Variants in WDR64 observed in about 807,000 individuals in gnomAD.
WDR64 encodes WD repeat-containing protein 64.
A neutral mutation model predicts 139.3 loss-of-function variants in WDR64; 112 were observed. That is an observed-to-expected ratio of 0.80 (90% CI 0.69 to 0.94). The LOEUF is 0.94. Among genes scored for constraint, WDR64 ranks in the 40% least tolerant of loss-of-function variants. WDR64 has a pLI of 0.00. For synonymous variants in WDR64, 444 were observed against 437.7 expected, an observed-to-expected ratio of 1.01 and a Z score of -0.18; for missense variants, 1,206 against 1,293.1, an observed-to-expected ratio of 0.93 and a Z score of 1.03.
intron 12 of WDR64, among the ~76,000 whole-genome samples, chr1:241,743,142 TC>T (rs1558502497): frequency 6.6e-6 from 1 of 152,202 alleles, no homozygotes; most frequent in East Asian, 1.9e-4. Context: ...CTGAAACCTG[TC>T]CTGCTTTTGT....
intron 24 of WDR64, among the ~76,000 whole-genome samples, chr1:241,789,324 C>T (rs1157458917): frequency 1.3e-5 from 2 of 152,154 alleles, no homozygotes; most frequent in Non-Finnish European, 2.9e-5. Flanking sequence ...TATTTCTTGT[C>T]TTTTGAAAAT....
At position 241,772,614 on chromosome 1, in the gene WDR64, C is replaced by G. The variant is rs1198475570; in HGVS notation, c.2291-178C>G. On this transcript the variant is annotated intron_variant, in intron 19 of 27. Coordinates refer to ENST00000437684, the MANE Select transcript of WDR64 (RefSeq NM_001367482.1). ...AGTAGCTGGGATTACAGGCGCCCAC[C>G]ACCACACCTGGCTAATTTTTGTATT... 1.3e-5 allele frequency among the ~76,000 whole-genome samples: 2 copies of G among 151,556 alleles called. 1 individual carries two copies. The highest frequency in any genetic ancestry group is 1.3e-4 in the Admixed American group (2 of 15,212).
In WDR64 at chr1:241,770,707, C is replaced by G. The variant is rs767269679; in HGVS notation, c.2253+17C>G. ...AGCAGTAAGGTAAGCAAGACACAGA[C>G]AGGGTCTGTCTTCCTGTCATACTCA... is the stretch of plus-strand genomic sequence containing the variant. On this transcript the variant is annotated intron_variant, in intron 18 of 27. Coordinates refer to ENST00000437684, the MANE Select transcript of WDR64 (RefSeq NM_001367482.1). 5 of 1,549,810 alleles carry G rather than the reference C, an allele frequency of 3.2e-6. No individual in the cohort carries two copies. Among genetic ancestry groups the G allele is most frequent in the Non-Finnish European group, 3.5e-6 (4 of 1,145,738 alleles).
intron 2 of WDR64, among the ~76,000 whole-genome samples, chr1:241,667,530 T>A (rs1558461539): frequency 6.6e-6 from 1 of 152,138 alleles, no homozygotes; most frequent in African/African-American, 2.4e-5. Context: ...TTCAAACTCC[T>A]CATATGAGTC....
chr1:241,786,450 A>G (rs560512539), intron 23 of WDR64, among the ~76,000 whole-genome samples: 1 of 152,312 alleles, frequency 6.6e-6, no homozygotes, highest in Admixed American at 6.5e-5. Context: ...CACTCCTGCT[A>G]ATAATACTCT....
At chr1:241,676,745 G>GTTTTTTTT (rs11342790) in intron 4 of WDR64, among the ~76,000 whole-genome samples, 3 of 124,356 alleles carry the variant, frequency 2.4e-5, no homozygotes, top group African/African-American at 9.0e-5. Flanking sequence ...AAAATTAATG[G>GTTTTTTTT]TTTTTTTTTT....
At chr1:241,799,813 C>G (rs1659471243) in intron 27 of WDR64, among the ~76,000 whole-genome samples, 1 of 152,156 alleles carries the variant, frequency 6.6e-6, no homozygotes, top group Non-Finnish European at 1.5e-5. Context: ...GAGCCCCACC[C>G]TTCCCATCTT....
chr1:241,781,573 C>T (rs1212362565), intron 22 of WDR64, among the ~76,000 whole-genome samples: 1 of 151,570 alleles, frequency 6.6e-6, no homozygotes, highest in Non-Finnish European at 1.5e-5. Context: ...AAAAGAAGTT[C>T]CATGGTATAC....
At chr1:241,780,167 G>A in intron 22 of WDR64, 105 bp downstream of exon 22, 1 of 961,294 alleles carries the variant, frequency 1.0e-6, no homozygotes, top group Non-Finnish European at 1.5e-6. Flanking sequence ...ACTCTCTGTT[G>A]TCAAGGCACA....
At chr1:241,773,981 C>T (rs1574088080) in intron 20 of WDR64, among the ~76,000 whole-genome samples, 1 of 152,174 alleles carries the variant, frequency 6.6e-6, no homozygotes, top group South Asian at 2.1e-4. Flanking sequence ...GGTATTGCAT[C>T]GTATTGAGTG....
chr1:241,713,403 G>A lies in WDR64; in HGVS notation c.1054+1522G>A, dbSNP rs1668262949. Among the ~76,000 whole-genome samples the A allele has an allele frequency of 3.8e-5, 5 of 133,024 alleles. No homozygotes were observed. The South Asian group carries it at 1.1e-3, about 29-fold the overall frequency. The allele number at this position is 133,024 out of a possible 152,430, so 87.3% of individuals were successfully genotyped here. A position where few individuals can be genotyped will look rare whatever the true frequency, so the allele number is the denominator to read the frequency against. ...AAGGAAAGGAAGGAAGGAAGGGAGGGAGGGAGGAAGGGAAGGAAGGGAAGG... is the reference window on the plus strand; with the variant it reads ...AAGGAAAGGAAGGAAGGAAGGGAGGAAGGGAGGAAGGGAAGGAAGGGAAGG... On this transcript the variant is annotated intron_variant, in intron 9 of 27. Coordinates refer to ENST00000437684, the MANE Select transcript of WDR64 (RefSeq NM_001367482.1).
At position 241,687,527 on chromosome 1, in the gene WDR64, TG is replaced by T. The variant is rs769098385; in HGVS notation, c.908del (p.Gly303AspfsTer5). On this transcript the variant is annotated frameshift_variant, in exon 8 of 28. Coordinates refer to ENST00000437684, the MANE Select transcript of WDR64 (RefSeq NM_001367482.1). LOFTEE classifies it high-confidence loss of function. Reference protein sequence around the residue: ...IRYISALNCFGSCSLDSNHSL... With the variant: ...IRYISALNCFXSCSLDSNHSL... ...GATATATTTCAGCCCTAAATTGTTTTGGATCCTGCTCCTTAGACAGTAATCA... is the reference window on the plus strand; with the variant it reads ...GATATATTTCAGCCCTAAATTGTTTTGATCCTGCTCCTTAGACAGTAATCA... 3.7e-6 allele frequency: 6 copies of T among 1,613,950 alleles called. No individual in the cohort carries two copies. In the Admixed American group the frequency reaches 1.0e-4, roughly 27 times the overall value.
At chr1:241,706,201 G>A (rs1349059785) in intron 8 of WDR64, among the ~76,000 whole-genome samples, 2 of 152,226 alleles carry the variant, frequency 1.3e-5, no homozygotes, top group African/African-American at 2.4e-5. Context: ...CTGTGCCTAA[G>A]GATCAGGTCG....
chr1:241,683,367 T>A (rs1666885999), intron 6 of WDR64, 120 bp from the exon 7 acceptor site: 14 of 868,672 alleles, frequency 1.6e-5, no homozygotes, highest in Non-Finnish European at 2.4e-5. Context: ...AATTATCTTA[T>A]AAGATAGGTG....
intron 8 of WDR64, among the ~76,000 whole-genome samples, chr1:241,710,912 T>G (rs80204979): frequency 0.017 from 2,588 of 152,128 alleles, 67 homozygotes; most frequent in African/African-American, 0.06. Flanking sequence ...ACAATGGGAT[T>G]TGGGTTGGGA....
chr1:241,744,242 T>G, intron 12 of WDR64, 151 bp from the exon 13 acceptor site: 1 of 945,852 alleles, frequency 1.1e-6, no homozygotes, highest in Non-Finnish European at 1.6e-6. Flanking sequence ...GAACTTTCTT[T>G]GATAAAACCA....
chr1:241,694,848 G>T (rs2148132126), intron 8 of WDR64, among the ~76,000 whole-genome samples: 1 of 152,236 alleles, frequency 6.6e-6, no homozygotes, highest in Middle Eastern at 3.4e-3. Flanking sequence ...TTTTAGTCCA[G>T]AAATATATCT....
chr1:241,686,411 CT>C (rs1323574783), intron 7 of WDR64, among the ~76,000 whole-genome samples: 1 of 152,188 alleles, frequency 6.6e-6, no homozygotes, highest in Non-Finnish European at 1.5e-5. Context: ...CCTCCCCACT[CT>C]GTTTAATGTC....
In WDR64 at chr1:241,677,391, CT is replaced by C. The variant is rs1666597718; in HGVS notation, c.484-795del. ...TTGAACTCTTCAGATGAAAGACAGT[CT>C]GTGGGTAGCCATGACTAACAGCTTT... On this transcript the variant is annotated intron_variant, in intron 4 of 27. Transcript: ENST00000437684. 3.3e-5 allele frequency: 13 copies of C among 398,548 alleles called. No homozygotes were observed. In the South Asian group the frequency reaches 1.7e-3, roughly 51 times the overall value. The allele number at this position is 398,548 out of a possible 1,614,324, so 24.7% of individuals were successfully genotyped here. A position where few individuals can be genotyped will look rare whatever the true frequency, so the allele number is the denominator to read the frequency against.
Sources: allele counts gnomAD v4.1 joint callset (sites outside exome capture counted in the v4.1 genomes callset), GRCh38; gene constraint gnomAD v4.1.1; transcripts MANE v1.5; gene names NCBI Gene and HGNC (gene_info 2026-07-23, HGNC 2026-07-21).